MCPH1: variants seen among roughly 807,000 people sequenced by gnomAD.
The protein encoded by MCPH1 is microcephalin.
In MCPH1, 104 loss-of-function variants were observed where a neutral mutation model predicts 84.5. The ratio of observed to expected loss-of-function variants is 1.23; its 90% confidence interval spans 1.05 to 1.45. The LOEUF (loss-of-function observed/expected upper bound fraction) is 1.45. Ranked by LOEUF, MCPH1 falls within the 40% of genes most tolerant of loss-of-function variation. MCPH1 has a pLI of 0.00. For missense variants in MCPH1, 1,498 were observed against 1,005.7 expected, an observed-to-expected ratio of 1.49 and a Z score of -6.62; for synonymous variants, 514 against 366.8, an observed-to-expected ratio of 1.40 and a Z score of -4.58.
In MCPH1 at chr8:6,617,621, G is replaced by A. The variant is rs531651994; in HGVS notation, c.2215-3833G>A. Among the ~76,000 whole-genome samples, 15 of 152,056 alleles carry A rather than the reference G, an allele frequency of 9.9e-5. 1 individual carries two copies. Among genetic ancestry groups the A allele is most frequent in the Admixed American group, 9.8e-4 (15 of 15,286 alleles). ...TCCTGTTTCTGGGGTGTGTGCATGT[G>A]TGTGTGTGTGTAAAGGTTTGCAATG... On this transcript the variant is annotated intron_variant, in intron 12 of 13. Transcript: ENST00000344683.
At chr8:6,540,889 C>T (rs574691098) in intron 12 of MCPH1, among the ~76,000 whole-genome samples, 90 of 152,256 alleles carry the variant, frequency 5.9e-4, no homozygotes, top group Non-Finnish European at 1.3e-3. Context: ...TGGTAAGAAG[C>T]CCCACAGGAT....
intron 12 of MCPH1, among the ~76,000 whole-genome samples, chr8:6,600,389 G>A (rs1829263267): frequency 6.6e-6 from 1 of 152,220 alleles, no homozygotes; most frequent in Non-Finnish European, 1.5e-5. Context: ...AGGTGTAACT[G>A]GTATTCCTGT....
intron 12 of MCPH1, among the ~76,000 whole-genome samples, chr8:6,505,238 G>GT (rs1563305052): frequency 0.016 from 78 of 4,972 alleles, 13 homozygotes; most frequent in African/African-American, 0.035. Context: ...TGTATATATA[G>GT]AATATATATT....
chr8:6,605,776 C>T (rs1311848670), intron 12 of MCPH1, among the ~76,000 whole-genome samples: 1 of 152,214 alleles, frequency 6.6e-6, no homozygotes, highest in Non-Finnish European at 1.5e-5. Context: ...CAGCTCACTG[C>T]AACCTCCACC....
intron 1 of MCPH1, 141 bp from the exon 2 acceptor site, chr8:6,409,138 C>T (rs1798179309): frequency 1.8e-5 from 13 of 723,398 alleles, no homozygotes; most frequent in East Asian, 2.7e-5. Flanking sequence ...CACCCACTTC[C>T]GCCTCCCACA....
At chr8:6,548,950 G>T (rs1410633605) in intron 12 of MCPH1, among the ~76,000 whole-genome samples, 2 of 152,174 alleles carry the variant, frequency 1.3e-5, no homozygotes, top group Non-Finnish European at 2.9e-5. Context: ...ATAACCTGGG[G>T]GGAATTATGT....
intron 12 of MCPH1, among the ~76,000 whole-genome samples, chr8:6,594,333 A>T (rs1003976376): frequency 1.3e-5 from 2 of 152,120 alleles, no homozygotes; most frequent in African/African-American, 4.8e-5. Flanking sequence ...GCACCTCTGG[A>T]CCCTGGGAGT....
chr8:6,428,308 A>C (rs908968485), intron 3 of MCPH1, among the ~76,000 whole-genome samples: 2 of 152,116 alleles, frequency 1.3e-5, no homozygotes, highest in African/African-American at 4.8e-5. Context: ...GGGCCTACAC[A>C]GGGTTAGGAA....
At chr8:6,586,950 A>C (rs1828033922) in intron 12 of MCPH1, among the ~76,000 whole-genome samples, 1 of 152,136 alleles carries the variant, frequency 6.6e-6, no homozygotes, top group Non-Finnish European at 1.5e-5. Flanking sequence ...AACAGAGTGC[A>C]GGCTGTGGGA....
At chr8:6,592,730 C>T (rs1192732524) in intron 12 of MCPH1, among the ~76,000 whole-genome samples, 1 of 149,352 alleles carries the variant, frequency 6.7e-6, no homozygotes, top group Non-Finnish European at 1.5e-5. Context: ...TGTGGGCTCA[C>T]TGCAACCTCT....
chr8:6,545,446 T>A lies in MCPH1; in HGVS notation c.2214+45517T>A, dbSNP rs143931546. 3.6e-3 allele frequency among the ~76,000 whole-genome samples: 546 copies of A among 152,354 alleles called. 10 individuals carry two copies. Among genetic ancestry groups the A allele is most frequent in the African/African-American group, 0.012 (509 of 41,568 alleles). On this transcript the variant is annotated intron_variant, in intron 12 of 13. Coordinates refer to ENST00000344683, the MANE Select transcript of MCPH1 (RefSeq NM_024596.5). Reference sequence around the variant, plus strand: ...ATGACCCTAGTTACTATGGGTGGTTTTATTTGTCTCTGCAGTTTTCATCTA... The same window carrying A: ...ATGACCCTAGTTACTATGGGTGGTTATATTTGTCTCTGCAGTTTTCATCTA...
At chr8:6,556,907 C>G (rs1350441691) in intron 12 of MCPH1, among the ~76,000 whole-genome samples, 2 of 152,146 alleles carry the variant, frequency 1.3e-5, no homozygotes, top group Non-Finnish European at 1.5e-5. Flanking sequence ...TTTCTTCCCC[C>G]TCTGACTTCT....
intron 12 of MCPH1, chr8:6,503,374 A>T (rs1385955899): frequency 9.5e-7 from 1 of 1,054,464 alleles, no homozygotes; most frequent in Non-Finnish European, 1.4e-6. Flanking sequence ...TGGAGTAGGC[A>T]CATGCAGATG....
intron 12 of MCPH1, among the ~76,000 whole-genome samples, chr8:6,547,758 G>T (rs547923630): frequency 6.6e-6 from 1 of 152,148 alleles, no homozygotes; most frequent in African/African-American, 2.4e-5. Flanking sequence ...TGACTCACTC[G>T]GTGGGAACAA....
intron 12 of MCPH1, among the ~76,000 whole-genome samples, chr8:6,529,745 C>T (rs374967048): frequency 6.7e-6 from 1 of 150,138 alleles, no homozygotes; most frequent in Non-Finnish European, 1.5e-5. Context: ...GATTATAGAT[C>T]TGAGCAAGCG....
intron 11 of MCPH1, among the ~76,000 whole-genome samples, chr8:6,497,309 C>T (rs1211325058): frequency 1.4e-4 from 21 of 146,794 alleles, no homozygotes; most frequent in Admixed American, 1.4e-3. Context: ...TGTGAAACCC[C>T]ATTCTCTACC....
intron 9 of MCPH1, among the ~76,000 whole-genome samples, chr8:6,465,969 A>ATCCATCCC: frequency 6.6e-6 from 1 of 150,500 alleles, no homozygotes; most frequent in African/African-American, 2.5e-5. Flanking sequence ...CCATCCATCC[A>ATCCATCCC]TCCGATACAG....
chr8:6,643,388 C>A lies in MCPH1; in HGVS notation c.*339C>A, dbSNP rs923099557. On this transcript the variant is annotated 3_prime_UTR_variant, in exon 14 of 14. Transcript: ENST00000344683. ...CAAGCGATTCTGCTGCCTCAGCCTC[C>A]TGAGTAGCTGGGATTACAGATGTGT... is the stretch of plus-strand genomic sequence containing the variant. 3.0e-6 allele frequency: 1 copy of A among 335,902 alleles called. No individual in the cohort carries two copies. The highest frequency in any genetic ancestry group is 5.7e-6 in the Non-Finnish European group (1 of 176,774). The allele number at this position is 335,902 out of a possible 1,614,324, so 20.8% of individuals were successfully genotyped here. A position where few individuals can be genotyped will look rare whatever the true frequency, so the allele number is the denominator to read the frequency against.
At chr8:6,485,108 C>T (rs1466322474) in intron 11 of MCPH1, among the ~76,000 whole-genome samples, 5 of 151,900 alleles carry the variant, frequency 3.3e-5, no homozygotes, top group African/African-American at 4.8e-5. Context: ...GTGTGGATCA[C>T]GAGGTCAGCA....
Sources: gnomAD v4.1 joint callset for allele counts (sites outside exome capture counted in the v4.1 genomes callset) on GRCh38, gnomAD v4.1.1 for gene constraint, MANE v1.5 for transcripts, NCBI Gene and HGNC (gene_info 2026-07-23, HGNC 2026-07-21) for gene names.